Variants in ZNF487 observed in about 807,000 individuals in gnomAD.
ZNF487 encodes the protein zinc finger protein 487, also known as KRAB domain only 1.
ZNF487 carries 4 observed loss-of-function variants against 3.0 expected under a neutral mutation model. The observed-to-expected ratio is 1.35, with a 90% confidence interval of 0.66 to 3.08. ZNF487 has a LOEUF of 3.08. ZNF487 is among the 30% of genes most tolerant of loss of function. The pLI is 0.01. For missense variants in ZNF487, 146 were observed against 98.7 expected (o/e 1.48, Z -2.03); for synonymous variants, 55 against 34.6 (o/e 1.59, Z -2.06).
chr10:43,455,352 A>G (rs1223839040), intron 1 of ZNF487, among the ~76,000 whole-genome samples: 1 of 152,128 alleles, frequency 6.6e-6, no homozygotes, highest in Admixed American at 6.5e-5. Context: ...GTGTATTGCA[A>G]GTAAGTCTCA....
intron 1 of ZNF487, among the ~76,000 whole-genome samples, chr10:43,462,860 C>G (rs1300648195): frequency 2.0e-5 from 3 of 151,668 alleles, no homozygotes; most frequent in Non-Finnish European, 4.4e-5. Flanking sequence ...ACCTTGAACT[C>G]TTCGACTCAG....
chr10:43,452,965 T>C (rs1383246273), intron 1 of ZNF487: 2 of 152,102 alleles, frequency 1.3e-5, no homozygotes, highest in South Asian at 2.1e-4. Context: ...TACCTTTTTT[T>C]CCCCAAATAC....
the ZNF487 span, among the ~76,000 whole-genome samples, chr10:43,493,889 G>C: frequency 6.6e-6 from 1 of 151,200 alleles, no homozygotes; most frequent in South Asian, 2.1e-4. Context: ...AAATAGGCCA[G>C]GCGCGTTGGC....
chr10:43,490,017 G>T, the ZNF487 span, among the ~76,000 whole-genome samples: 3 of 152,240 alleles, frequency 2.0e-5, no homozygotes, highest in Middle Eastern at 3.4e-3. Flanking sequence ...CTATAGACAA[G>T]AAACTCATAT....
chr10:43,472,458 C>A (rs1450102105), intron 1 of ZNF487, among the ~76,000 whole-genome samples: 1 of 152,134 alleles, frequency 6.6e-6, no homozygotes, highest in South Asian at 2.1e-4. Flanking sequence ...TGACCTCTTG[C>A]AATCCTCTCT....
At chr10:43,437,039 G>A (rs1024623320), upstream of ZNF487, 2 of 338,466 alleles carry the variant, frequency 5.9e-6, no homozygotes, top group African/African-American at 4.6e-5. Flanking sequence ...CAAGGCTTCC[G>A]GAAGCGCAGG....
the ZNF487 span, among the ~76,000 whole-genome samples, chr10:43,493,729 T>C: frequency 8.1e-6 from 1 of 123,586 alleles, no homozygotes; most frequent in Non-Finnish European, 1.7e-5. Context: ...TATATATATA[T>C]ATATATATAT....
the ZNF487 span, among the ~76,000 whole-genome samples, chr10:43,522,554 C>T: frequency 2.1e-4 from 32 of 151,826 alleles, no homozygotes; most frequent in African/African-American, 7.2e-4. Flanking sequence ...GCAAAGATGG[C>T]GAAACCCTGT....
chr10:43,512,935 C>T, the ZNF487 span, among the ~76,000 whole-genome samples: 2 of 152,236 alleles, frequency 1.3e-5, no homozygotes, highest in Non-Finnish European at 2.9e-5. Flanking sequence ...AATATCTCAA[C>T]AGGCCCCACA....
chr10:43,450,639 C>T (rs1839973883), intron 1 of ZNF487, among the ~76,000 whole-genome samples: 1 of 152,178 alleles, frequency 6.6e-6, no homozygotes. Context: ...CGTGAGCCAC[C>T]ATGCCCAGCC....
At chr10:43,452,110 C>T (rs1033857113) in intron 1 of ZNF487, 11 of 151,576 alleles carry the variant, frequency 7.3e-5, no homozygotes, top group African/African-American at 2.7e-4. Flanking sequence ...GGTCAATTCT[C>T]TTTTAATTTT....
chr10:43,452,435 T>C (rs553257539), intron 1 of ZNF487: 18 of 152,386 alleles, frequency 1.2e-4, no homozygotes, highest in African/African-American at 3.8e-4. Flanking sequence ...GACAGGGTCT[T>C]GTGTCACCCA....
At chr10:43,467,105 C>G (rs907102310) in intron 1 of ZNF487, among the ~76,000 whole-genome samples, 1 of 152,064 alleles carries the variant, frequency 6.6e-6, no homozygotes, top group East Asian at 1.9e-4. Flanking sequence ...GAACTCTTGT[C>G]CTCAAGTGAT....
the ZNF487 span, among the ~76,000 whole-genome samples, chr10:43,495,774 G>T: frequency 7.2e-5 from 11 of 152,108 alleles, no homozygotes; most frequent in African/African-American, 2.7e-4. Flanking sequence ...ACATAAGACA[G>T]TTCCAGCACA....
chr10:43,477,514 T>G (rs1841145305), intron 3 of ZNF487, among the ~76,000 whole-genome samples: 1 of 152,036 alleles, frequency 6.6e-6, no homozygotes, highest in African/African-American at 2.4e-5. Context: ...CTTTCATTGT[T>G]AAGACGAAAT....
chr10:43,456,103 G>T (rs1043929470), intron 1 of ZNF487, among the ~76,000 whole-genome samples: 6 of 152,186 alleles, frequency 3.9e-5, no homozygotes, highest in Admixed American at 6.5e-5. Flanking sequence ...ATAATGGAGG[G>T]CTGCGGGCCT....
the ZNF487 span, among the ~76,000 whole-genome samples, chr10:43,499,449 C>T: frequency 6.6e-6 from 1 of 152,254 alleles, no homozygotes; most frequent in East Asian, 1.9e-4. Context: ...CAGAGTCCTA[C>T]TCTGATGCCC....
the ZNF487 span, among the ~76,000 whole-genome samples, chr10:43,505,012 T>C: frequency 6.6e-6 from 1 of 152,026 alleles, no homozygotes; most frequent in Non-Finnish European, 1.5e-5. Flanking sequence ...AGCCTCCTTG[T>C]TGCTGTTTTT....
At chr10:43,484,893 A>T (rs1841458592), downstream of ZNF487, among the ~76,000 whole-genome samples, 8 of 152,244 alleles carry the variant, frequency 5.3e-5, no homozygotes, top group South Asian at 1.5e-3. Context: ...TGTATTTTAA[A>T]TTTTTTTGTG....
Sources: allele counts gnomAD v4.1 joint callset (sites outside exome capture counted in the v4.1 genomes callset), GRCh38; gene constraint gnomAD v4.1.1; transcripts MANE v1.5; gene names NCBI Gene and HGNC (gene_info 2026-07-23, HGNC 2026-07-21).